Variants in TENM1 observed in about 807,000 individuals in gnomAD.
TENM1 encodes teneurin-1.
A neutral mutation model predicts 174.8 loss-of-function variants in TENM1; 35 were observed. That is an observed-to-expected ratio of 0.20 (90% confidence interval 0.15 to 0.27). TENM1 has a LOEUF of 0.27. Among genes scored for constraint, TENM1 ranks in the 10% least tolerant of loss-of-function variants. The pLI is 1.00. For synonymous variants in TENM1, 781 were observed against 798.7 expected (o/e 0.98, Z 0.37); for missense variants, 1,633 against 2,130.1 (o/e 0.77, Z 4.59).
intron 3 of TENM1, among the ~76,000 whole-genome samples, chrX:124,810,768 A>C (rs141886682): frequency 1.8e-5 from 2 of 111,846 alleles, no homozygotes; most frequent in East Asian, 5.6e-4. Context: ...ACAAAACTGG[A>C]GTCATCACCC....
chrX:124,886,295 A>C, intron 3 of TENM1, among the ~76,000 whole-genome samples: 1 of 109,644 alleles, frequency 9.1e-6, no homozygotes, highest in South Asian at 3.9e-4. Context: ...CTAAAATACT[A>C]ATTAATTTTA....
the TENM1 span, among the ~76,000 whole-genome samples, chrX:125,006,788 A>C: frequency 9.0e-6 from 1 of 111,637 alleles, no homozygotes; most frequent in African/African-American, 3.3e-5. Flanking sequence ...TGACTGTTAG[A>C]AGAAAAACTA....
At position 124,437,536 on chromosome X, in the gene TENM1, G is replaced by C. The variant is rs61437265; in HGVS notation, c.4105-14898C>G. On this transcript the variant is annotated intron_variant, in intron 23 of 31. Transcript: ENST00000422452. ...GAAACTTCTCATTCTTGCAATTTTT[G>C]AGAATGATTTCATGGTCGATCATGT... is the stretch of plus-strand genomic sequence containing the variant. Among the ~76,000 whole-genome samples the C allele has an allele frequency of 6.6e-3, 732 of 111,365 alleles. 4 individuals carry two copies. Among genetic ancestry groups the C allele is most frequent in the African/African-American group, 0.022 (683 of 30,645 alleles).
intron 25 of TENM1, among the ~76,000 whole-genome samples, chrX:124,409,251 T>C (rs2060502342): frequency 1.8e-5 from 2 of 111,547 alleles, no homozygotes; most frequent in Admixed American, 1.9e-4. Context: ...CCACACTGAC[T>C]TCCACAATGG....
At chrX:124,398,864 G>A (rs774314300) in intron 27 of TENM1, among the ~76,000 whole-genome samples, 6 of 111,186 alleles carry the variant, frequency 5.4e-5, no homozygotes, top group Non-Finnish European at 7.5e-5. Flanking sequence ...TGTCCCCCAT[G>A]CAGGATTTTC....
intron 20 of TENM1, among the ~76,000 whole-genome samples, chrX:124,495,676 C>T (rs1381129419): frequency 1.9e-5 from 2 of 107,618 alleles, no homozygotes; most frequent in Non-Finnish European, 3.8e-5. Flanking sequence ...TGTGAAGGAC[C>T]TCTTCAAGGA....
intron 1 of TENM1, among the ~76,000 whole-genome samples, chrX:124,944,639 T>C (rs985301872): frequency 9.2e-6 from 1 of 109,068 alleles, no homozygotes; most frequent in African/African-American, 3.3e-5. Flanking sequence ...ACCACCTGGT[T>C]AGTGTGTCCT....
intron 14 of TENM1, among the ~76,000 whole-genome samples, chrX:124,553,009 G>A (rs572318336): frequency 9.0e-6 from 1 of 110,805 alleles, no homozygotes; most frequent in African/African-American, 3.3e-5. Flanking sequence ...TACATAGTAG[G>A]TGTATATATT....
chrX:124,473,681 G>A (rs2061359054), intron 22 of TENM1, among the ~76,000 whole-genome samples: 1 of 110,774 alleles, frequency 9.0e-6, no homozygotes, highest in Non-Finnish European at 1.9e-5. Context: ...TCTTTCTCAG[G>A]TGATCTTGTC....
At chrX:125,027,561 A>G in the TENM1 span, among the ~76,000 whole-genome samples, 21 of 111,321 alleles carry the variant, frequency 1.9e-4, no homozygotes, top group African/African-American at 6.5e-4. Context: ...TTTGGAGAAG[A>G]TAATTATGAG....
chrX:124,625,605 T>C (rs1400681289), intron 11 of TENM1, among the ~76,000 whole-genome samples: 3 of 111,253 alleles, frequency 2.7e-5, no homozygotes, highest in Non-Finnish European at 3.8e-5. Context: ...CTGCAAGCTG[T>C]ACAGGAAGAA....
At chrX:124,774,618 A>T (rs2054740527) in intron 3 of TENM1, among the ~76,000 whole-genome samples, 1 of 111,559 alleles carries the variant, frequency 9.0e-6, no homozygotes, top group Non-Finnish European at 1.9e-5. Flanking sequence ...TGCACCTCCC[A>T]ATCTATTTAT....
At chrX:124,389,789 T>C (rs958392185) in intron 28 of TENM1, among the ~76,000 whole-genome samples, 4 of 112,089 alleles carry the variant, frequency 3.6e-5, no homozygotes, top group African/African-American at 1.3e-4. Flanking sequence ...TTATGATTAC[T>C]GGTAATAATA....
At chrX:124,862,652 C>G (rs1454166011) in intron 3 of TENM1, among the ~76,000 whole-genome samples, 4 of 111,111 alleles carry the variant, frequency 3.6e-5, no homozygotes, top group African/African-American at 6.6e-5. Flanking sequence ...CTGAGGGCTA[C>G]AGCATTCTGT....
At chrX:125,138,491 T>C in the TENM1 span, among the ~76,000 whole-genome samples, 1 of 111,802 alleles carries the variant, frequency 8.9e-6, no homozygotes, top group African/African-American at 3.3e-5. Flanking sequence ...TTGGGATTCA[T>C]TTCCACTTGT....
chrX:124,796,768 C>T (rs1311109881), intron 3 of TENM1, among the ~76,000 whole-genome samples: 2 of 111,507 alleles, frequency 1.8e-5, no homozygotes, highest in South Asian at 3.7e-4. Flanking sequence ...TAAGCCTCAA[C>T]TATAAGATTT....
chrX:125,006,190 G>A, the TENM1 span, among the ~76,000 whole-genome samples: 1 of 111,952 alleles, frequency 8.9e-6, no homozygotes, highest in Non-Finnish European at 1.9e-5. Flanking sequence ...GGAGAGGGGT[G>A]ACCACCATTA....
chrX:124,542,613 G>C (rs1251542341), intron 15 of TENM1, among the ~76,000 whole-genome samples: 3 of 111,335 alleles, frequency 2.7e-5, no homozygotes, highest in African/African-American at 9.8e-5. Flanking sequence ...TTTACTCTAA[G>C]TTATAGACAT....
chrX:124,771,315 A>G (rs1265740136), intron 3 of TENM1, among the ~76,000 whole-genome samples: 5 of 112,674 alleles, frequency 4.4e-5, no homozygotes, highest in African/African-American at 1.6e-4. Context: ...TAACCCATAT[A>G]TAGTCTTCAA....
Sources: allele counts gnomAD v4.1 joint callset (sites outside exome capture counted in the v4.1 genomes callset), GRCh38; gene constraint gnomAD v4.1.1; transcripts MANE v1.5; gene names NCBI Gene and HGNC (gene_info 2026-07-23, HGNC 2026-07-21).